The following ADAMTS6 variants were observed in gnomAD, a reference collection of about 807,000 sequenced individuals.
ADAMTS6 encodes ADAM metallopeptidase with thrombospondin type 1 motif 6, also known as A disintegrin and metalloproteinase with thrombospondin motifs 6.
ADAMTS6 carries 23 observed loss-of-function variants against 144.3 expected under a neutral mutation model. The observed-to-expected ratio is 0.16, with a 90% CI of 0.11 to 0.23. The LOEUF is 0.23. Among genes scored for constraint, ADAMTS6 ranks in the 10% least tolerant of loss-of-function variants. The pLI, the probability that ADAMTS6 is intolerant of heterozygous loss-of-function variation, is 1.00. For synonymous variants in ADAMTS6, 444 were observed against 457.5 expected (o/e 0.97, Z 0.38); for missense variants, 999 against 1,379.6 (o/e 0.72, Z 4.37).
At chr5:65,396,977 T>A (rs1362743897) in intron 7 of ADAMTS6, among the ~76,000 whole-genome samples, 1 of 152,216 alleles carries the variant, frequency 6.6e-6, no homozygotes, top group Non-Finnish European at 1.5e-5. Flanking sequence ...GTGCTTTCTG[T>A]TTGGGAAGAT....
chr5:65,305,575 C>G (rs1185864276), intron 9 of ADAMTS6, among the ~76,000 whole-genome samples: 4 of 55,460 alleles, frequency 7.2e-5, no homozygotes, highest in African/African-American at 3.1e-4. Context: ...AGAACAAAAA[C>G]AAGAACAAAG....
At chr5:65,321,097 C>A (rs1056583330) in intron 9 of ADAMTS6, among the ~76,000 whole-genome samples, 1 of 152,188 alleles carries the variant, frequency 6.6e-6, no homozygotes, top group African/African-American at 2.4e-5. Flanking sequence ...AATGGTATTT[C>A]TGTCTTTAGA....
chr5:65,312,210 T>G (rs1272278194), intron 9 of ADAMTS6, among the ~76,000 whole-genome samples: 1 of 151,976 alleles, frequency 6.6e-6, no homozygotes, highest in East Asian at 1.9e-4. Context: ...GAGACAATGA[T>G]AGTCTAAACT....
chr5:65,263,992 T>C (rs1159800405), intron 12 of ADAMTS6, among the ~76,000 whole-genome samples: 3 of 152,204 alleles, frequency 2.0e-5, no homozygotes, highest in Non-Finnish European at 4.4e-5. Context: ...TTTATTATAC[T>C]AATTCTATCA....
At chr5:65,380,642 A>C (rs1196402473) in intron 7 of ADAMTS6, among the ~76,000 whole-genome samples, 2 of 152,164 alleles carry the variant, frequency 1.3e-5, no homozygotes, top group African/African-American at 4.8e-5. Flanking sequence ...GATGGACAAA[A>C]TTTTTAAAAT....
chr5:65,170,870 C>CTT (rs1006964333), intron 23 of ADAMTS6, 97 bp from the exon 24 acceptor site: 539 of 1,053,856 alleles, frequency 5.1e-4, no homozygotes, highest in South Asian at 7.4e-4. Context: ...ACAATATGAA[C>CTT]TTTTTTTTTT....
chr5:65,219,078 A>G (rs1757127111), intron 18 of ADAMTS6, among the ~76,000 whole-genome samples: 1 of 151,972 alleles, frequency 6.6e-6, no homozygotes, highest in Non-Finnish European at 1.5e-5. Flanking sequence ...GATTAAACGG[A>G]AAAAAAACAC....
chr5:65,213,622 A>T (rs1326664475), intron 20 of ADAMTS6, among the ~76,000 whole-genome samples: 1 of 151,660 alleles, frequency 6.6e-6, no homozygotes, highest in African/African-American at 2.4e-5. Flanking sequence ...GCAACAGAGC[A>T]AAAACCTGTC....
At chr5:65,314,098 T>C (rs1239427547) in intron 9 of ADAMTS6, among the ~76,000 whole-genome samples, 10 of 152,140 alleles carry the variant, frequency 6.6e-5, no homozygotes, top group Admixed American at 5.2e-4. Flanking sequence ...ATGATTAATA[T>C]GTTAACAGCT....
chr5:65,190,112 G>A lies in ADAMTS6; in HGVS notation c.2706-1892C>T, dbSNP rs191616021. Among the ~76,000 whole-genome samples the A allele has an allele frequency of 1.3e-4, 20 of 152,066 alleles. No individual in the cohort carries two copies. In the East Asian group the frequency reaches 3.1e-3, roughly 23 times the overall value. ...CACTGGCCTTTGTTCATTATTATTC[G>A]TATTGTCTTTACTTATAAAGAAAAC... On this transcript the variant is annotated intron_variant, in intron 21 of 24. Coordinates refer to ENST00000381055, the MANE Select transcript of ADAMTS6 (RefSeq NM_197941.4).
chr5:65,376,636 T>C (rs1018543851), intron 7 of ADAMTS6, among the ~76,000 whole-genome samples: 2 of 151,920 alleles, frequency 1.3e-5, no homozygotes. Flanking sequence ...TTCAAGACTA[T>C]CCTGAGCAAT....
At chr5:65,164,288 G>A (rs551904231) in intron 24 of ADAMTS6, among the ~76,000 whole-genome samples, 2 of 152,130 alleles carry the variant, frequency 1.3e-5, no homozygotes, top group Non-Finnish European at 2.9e-5. Flanking sequence ...CTGGAAAATC[G>A]GGTCACTCCC....
chr5:65,395,536 G>A (rs555555632), intron 7 of ADAMTS6, among the ~76,000 whole-genome samples: 6 of 152,256 alleles, frequency 3.9e-5, no homozygotes, highest in Non-Finnish European at 7.4e-5. Context: ...GTTTCTTGCT[G>A]TTGCTGTTGT....
At chr5:65,219,007 T>A (rs1757122329) in intron 18 of ADAMTS6, among the ~76,000 whole-genome samples, 2 of 152,122 alleles carry the variant, frequency 1.3e-5, no homozygotes, top group East Asian at 3.9e-4. Flanking sequence ...AAGCTATTTA[T>A]TAGAGATTAA....
chr5:65,222,684 T>C lies in ADAMTS6; in HGVS notation c.2272+1636A>G, dbSNP rs1033538276. 4.1e-4 allele frequency among the ~76,000 whole-genome samples: 63 copies of C among 152,204 alleles called. 1 individual carries two copies. Among genetic ancestry groups the C allele is most frequent in the Admixed American group, 3.6e-3 (55 of 15,292 alleles). On this transcript the variant is annotated intron_variant, in intron 18 of 24. Coordinates refer to ENST00000381055, the MANE Select transcript of ADAMTS6 (RefSeq NM_197941.4). ...GCACAATACACGTCTTTAATGACTA[T>C]ATTTTGCATTTGTATTTTACATTTA...
intron 12 of ADAMTS6, among the ~76,000 whole-genome samples, chr5:65,268,457 T>C (rs979233262): frequency 6.6e-6 from 1 of 152,228 alleles, no homozygotes; most frequent in African/African-American, 2.4e-5. Flanking sequence ...CAAAGGGCTA[T>C]TGCTGATGCT....
intron 9 of ADAMTS6, among the ~76,000 whole-genome samples, chr5:65,317,312 G>T (rs1451773658): frequency 2.0e-5 from 3 of 152,102 alleles, no homozygotes; most frequent in African/African-American, 2.4e-5. Flanking sequence ...GGATCTAATT[G>T]ACAATGCTAG....
At chr5:65,326,785 A>G (rs1746215210) in intron 9 of ADAMTS6, among the ~76,000 whole-genome samples, 1 of 152,194 alleles carries the variant, frequency 6.6e-6, no homozygotes, top group South Asian at 2.1e-4. Context: ...AGATCACTGT[A>G]TTTTAATGAT....
At chr5:65,338,255 C>T (rs1297474951) in intron 7 of ADAMTS6, among the ~76,000 whole-genome samples, 2 of 152,198 alleles carry the variant, frequency 1.3e-5, no homozygotes, top group East Asian at 1.9e-4. Context: ...AGGGAATCTA[C>T]ATAAAGCCCA....
Sources: gnomAD v4.1 joint callset for allele counts (sites outside exome capture counted in the v4.1 genomes callset) on GRCh38, gnomAD v4.1.1 for gene constraint, MANE v1.5 for transcripts, NCBI Gene and HGNC (gene_info 2026-07-23, HGNC 2026-07-21) for gene names.